Variants in FCHSD2 observed in about 807,000 individuals in gnomAD.
FCHSD2 encodes F-BAR and double SH3 domains protein 2.
Under a neutral mutation model 108.1 loss-of-function variants are expected in FCHSD2, and 38 were observed. That is an observed-to-expected ratio of 0.35 (90% CI 0.27 to 0.46). The LOEUF is 0.46. Ranked by LOEUF, FCHSD2 falls within the 20% of genes least tolerant of loss-of-function variation. The pLI, the probability that FCHSD2 is intolerant of heterozygous loss-of-function variation, is 1.00. For missense variants in FCHSD2, 751 were observed against 897.8 expected (o/e 0.84, Z 2.09); for synonymous variants, 279 against 314.7 (o/e 0.89, Z 1.20).
intron 4 of FCHSD2, among the ~76,000 whole-genome samples, chr11:73,009,746 T>G (rs1398825871): frequency 6.6e-6 from 1 of 152,016 alleles, no homozygotes; most frequent in Non-Finnish European, 1.5e-5. Flanking sequence ...CCTGTAAAGG[T>G]TTCTGCTGAG....
chr11:72,853,056 G>A (rs992061480), intron 13 of FCHSD2, among the ~76,000 whole-genome samples: 7 of 152,108 alleles, frequency 4.6e-5, no homozygotes, highest in African/African-American at 1.7e-4. Flanking sequence ...CTTAGTACCT[G>A]GGTAGTGAAA....
At chr11:72,902,823 C>T (rs1488154763) in intron 9 of FCHSD2, among the ~76,000 whole-genome samples, 185 bp from the exon 10 acceptor site, 2 of 152,000 alleles carry the variant, frequency 1.3e-5, no homozygotes, top group African/African-American at 4.8e-5. Context: ...TTTATCTGTC[C>T]TATTTTCTCA....
intron 3 of FCHSD2, among the ~76,000 whole-genome samples, chr11:73,054,190 A>C (rs1344975330): frequency 6.6e-6 from 1 of 152,124 alleles, no homozygotes; most frequent in East Asian, 1.9e-4. Context: ...TGGCCCTCAA[A>C]GCATAAAATA....
intron 2 of FCHSD2, among the ~76,000 whole-genome samples, 180 bp from the exon 3 acceptor site, chr11:73,083,920 C>T (rs572870755): frequency 1.3e-5 from 2 of 152,312 alleles, no homozygotes; most frequent in South Asian, 2.1e-4. Flanking sequence ...AGAGGATCTA[C>T]ATTCAAACCC....
At chr11:72,965,969 C>G (rs1730334736) in intron 8 of FCHSD2, among the ~76,000 whole-genome samples, 1 of 152,036 alleles carries the variant, frequency 6.6e-6, no homozygotes, top group Admixed American at 6.6e-5. Flanking sequence ...TAAACATCGG[C>G]AGGAAACATG....
At chr11:72,903,111 T>TCTCA (rs1233578641) in intron 9 of FCHSD2, among the ~76,000 whole-genome samples, 1 of 152,250 alleles carries the variant, frequency 6.6e-6, no homozygotes, top group African/African-American at 2.4e-5. Flanking sequence ...GTAGAGTATT[T>TCTCA]CTCAGCACCT....
At chr11:72,975,752 C>T (rs1025693260) in intron 8 of FCHSD2, among the ~76,000 whole-genome samples, 3 of 152,170 alleles carry the variant, frequency 2.0e-5, no homozygotes, top group Admixed American at 2.0e-4. Flanking sequence ...TTCTGCCATA[C>T]AGAAAGATGT....
chr11:72,977,070 G>T (rs2135390792), intron 8 of FCHSD2, among the ~76,000 whole-genome samples: 1 of 152,006 alleles, frequency 6.6e-6, no homozygotes, highest in South Asian at 2.1e-4. Flanking sequence ...GACTACAGGT[G>T]CCCACCACCA....
chr11:72,983,020 C>T (rs532405717), intron 8 of FCHSD2, among the ~76,000 whole-genome samples: 3 of 152,112 alleles, frequency 2.0e-5, no homozygotes, highest in South Asian at 2.1e-4. Context: ...AGGGGCCGGG[C>T]GCGGTGGCTC....
At chr11:73,060,904 G>A (rs1859143645) in intron 3 of FCHSD2, among the ~76,000 whole-genome samples, 1 of 152,192 alleles carries the variant, frequency 6.6e-6, no homozygotes, top group African/African-American at 2.4e-5. Flanking sequence ...ACTATAGTGA[G>A]ATTCCCGTGT....
chr11:72,893,053 C>T (rs1855350296), intron 10 of FCHSD2, among the ~76,000 whole-genome samples: 2 of 152,076 alleles, frequency 1.3e-5, no homozygotes, highest in Admixed American at 1.3e-4. Flanking sequence ...GACTGGAGTG[C>T]AGTGGCATGA....
chr11:72,902,197 C>G (rs1172863447), intron 10 of FCHSD2, among the ~76,000 whole-genome samples: 2 of 152,072 alleles, frequency 1.3e-5, no homozygotes, highest in East Asian at 3.9e-4. Flanking sequence ...AATTTAACCA[C>G]TGATTTCTGT....
intron 12 of FCHSD2, among the ~76,000 whole-genome samples, chr11:72,884,164 A>G (rs920635220): frequency 6.6e-6 from 1 of 152,160 alleles, no homozygotes; most frequent in Non-Finnish European, 1.5e-5. Context: ...ACATCACATC[A>G]TCTACGAACT....
intron 3 of FCHSD2, among the ~76,000 whole-genome samples, chr11:73,050,323 T>A (rs1352273272): frequency 6.6e-6 from 1 of 152,146 alleles, no homozygotes; most frequent in Non-Finnish European, 1.5e-5. Flanking sequence ...CCATAAAAAG[T>A]CATTAAGCAA....
At position 73,015,772 on chromosome 11, in the gene FCHSD2, C is replaced by T. The variant is rs961378136; in HGVS notation, c.242+37G>A. On this transcript the variant is annotated intron_variant, in intron 4 of 19. Coordinates refer to ENST00000409418, the MANE Select transcript of FCHSD2 (RefSeq NM_014824.3). Reference sequence around the variant, plus strand: ...TATGTAACATAGCTTTAAGTAAAACCGTTTCTAAAGAAAATAGGCAAAAAC... The same window carrying T: ...TATGTAACATAGCTTTAAGTAAAACTGTTTCTAAAGAAAATAGGCAAAAAC... The T allele has an allele frequency of 9.1e-6, 12 of 1,325,246 alleles. No homozygotes were observed. The East Asian group carries it at 9.5e-5, about 10-fold the overall frequency. 82.1% of individuals were successfully genotyped at this position (1,325,246 alleles called of 1,614,324 possible). A position where few individuals can be genotyped will look rare whatever the true frequency, so the allele number is the denominator to read the frequency against.
chr11:72,976,842 T>C (rs1046866384), intron 8 of FCHSD2, among the ~76,000 whole-genome samples: 2 of 151,982 alleles, frequency 1.3e-5, no homozygotes, highest in African/African-American at 4.8e-5. Context: ...TGCAGAAGAA[T>C]GAAACTAGAC....
chr11:72,962,833 T>A (rs1347449221), intron 8 of FCHSD2, among the ~76,000 whole-genome samples: 2 of 152,078 alleles, frequency 1.3e-5, no homozygotes. Context: ...GTCAATAGAT[T>A]ACAGAACTGC....
chr11:73,066,453 C>T (rs906350652), intron 3 of FCHSD2, among the ~76,000 whole-genome samples: 6 of 152,116 alleles, frequency 3.9e-5, no homozygotes, highest in African/African-American at 1.4e-4. Flanking sequence ...GACTTCATGT[C>T]TAAAACACCA....
intron 6 of FCHSD2, among the ~76,000 whole-genome samples, chr11:72,988,695 C>A (rs558373929): frequency 5.3e-4 from 81 of 152,164 alleles, no homozygotes; most frequent in Non-Finnish European, 1.0e-3. Flanking sequence ...GCTTTCAAGT[C>A]TGTAAATACA....
Sources: gnomAD v4.1 joint callset for allele counts (sites outside exome capture counted in the v4.1 genomes callset) on GRCh38, gnomAD v4.1.1 for gene constraint, MANE v1.5 for transcripts, NCBI Gene and HGNC (gene_info 2026-07-23, HGNC 2026-07-21) for gene names.